ZNF385D: variants seen among roughly 807,000 people sequenced by gnomAD.
ZNF385D encodes the protein zinc finger protein 659.
ZNF385D carries 15 observed loss-of-function variants against 35.8 expected under a neutral mutation model. The ratio of observed to expected loss-of-function variants is 0.42; its 90% confidence interval spans 0.28 to 0.64. The LOEUF is 0.64. Among genes scored for constraint, ZNF385D ranks in the 30% least tolerant of loss-of-function variants. ZNF385D has a pLI of 0.23. For synonymous variants in ZNF385D, 212 were observed against 186.8 expected (o/e 1.13, Z -1.10); for missense variants, 474 against 494.6 (o/e 0.96, Z 0.39).
intron 3 of ZNF385D, among the ~76,000 whole-genome samples, chr3:21,767,677 G>A (rs973425243): frequency 2.6e-5 from 4 of 151,884 alleles, no homozygotes; most frequent in Non-Finnish European, 2.9e-5. Flanking sequence ...GAGAGTTAAG[G>A]TGGGGGGTGG....
chr3:21,959,616 G>C (rs1457333956), intron 3 of ZNF385D, among the ~76,000 whole-genome samples: 1 of 152,146 alleles, frequency 6.6e-6, no homozygotes, highest in African/African-American at 2.4e-5. Context: ...CACAATGCAA[G>C]GAGCCTAGTC....
intron 2 of ZNF385D, among the ~76,000 whole-genome samples, chr3:22,311,460 C>T (rs1465606224): frequency 6.6e-6 from 1 of 151,974 alleles, no homozygotes; most frequent in East Asian, 1.9e-4. Context: ...CAGCAAGTCT[C>T]ACTTTGTTTT....
intron 3 of ZNF385D, among the ~76,000 whole-genome samples, chr3:21,811,857 G>A (rs1274829172): frequency 6.6e-6 from 1 of 152,152 alleles, no homozygotes; most frequent in Non-Finnish European, 1.5e-5. Flanking sequence ...ATGGCTCATG[G>A]ATGGTGAATT....
chr3:21,657,011 C>T (rs926358041), intron 2 of ZNF385D, among the ~76,000 whole-genome samples: 9 of 151,748 alleles, frequency 5.9e-5, no homozygotes, highest in African/African-American at 2.2e-4. Context: ...TGCAAAGCCT[C>T]ATCTCATTAT....
intron 3 of ZNF385D, among the ~76,000 whole-genome samples, chr3:21,763,246 T>G (rs1378770596): frequency 2.0e-5 from 3 of 152,142 alleles, no homozygotes; most frequent in Non-Finnish European, 2.9e-5. Context: ...GTACTCTGTC[T>G]GAGTAACAGT....
intron 4 of ZNF385D, among the ~76,000 whole-genome samples, chr3:21,503,538 A>T (rs370022302): frequency 1.3e-5 from 2 of 152,136 alleles, no homozygotes; most frequent in African/African-American, 4.8e-5. Flanking sequence ...TTTGTTCACT[A>T]TTGTCATAAT....
intron 3 of ZNF385D, among the ~76,000 whole-genome samples, chr3:21,814,693 G>C (rs781012155): frequency 5.3e-5 from 8 of 152,172 alleles, no homozygotes; most frequent in Non-Finnish European, 1.0e-4. Flanking sequence ...CAAGTCCCTA[G>C]CGACCTCCAA....
intron 2 of ZNF385D, among the ~76,000 whole-genome samples, chr3:22,287,891 T>C (rs1702107577): frequency 6.6e-6 from 1 of 152,052 alleles, no homozygotes; most frequent in Non-Finnish European, 1.5e-5. Flanking sequence ...TTTGCATCCT[T>C]TTCATTCAGC....
intron 2 of ZNF385D, among the ~76,000 whole-genome samples, chr3:21,590,704 G>C (rs189042009): frequency 6.6e-6 from 1 of 151,920 alleles, no homozygotes. Context: ...GGAGATGAGC[G>C]GAGGATGTAG....
intron 3 of ZNF385D, among the ~76,000 whole-genome samples, chr3:21,516,606 C>A (rs969588242): frequency 2.8e-4 from 43 of 152,156 alleles, no homozygotes; most frequent in Non-Finnish European, 5.4e-4. Flanking sequence ...CATAACTGGG[C>A]CTTTCTTTAT....
chr3:22,110,136 C>G (rs1273698445), intron 3 of ZNF385D, among the ~76,000 whole-genome samples: 1 of 152,014 alleles, frequency 6.6e-6, no homozygotes, highest in Non-Finnish European at 1.5e-5. Flanking sequence ...AGTCAGGAAA[C>G]AACAGGTGCT....
At chr3:22,103,841 G>A (rs531779322) in intron 3 of ZNF385D, among the ~76,000 whole-genome samples, 14 of 151,822 alleles carry the variant, frequency 9.2e-5, no homozygotes, top group African/African-American at 2.2e-4. Flanking sequence ...GACTTTACAC[G>A]GAAAGGGAAA....
intron 3 of ZNF385D, among the ~76,000 whole-genome samples, chr3:21,977,438 C>G (rs1237060556): frequency 6.6e-6 from 1 of 151,994 alleles, no homozygotes; most frequent in Non-Finnish European, 1.5e-5. Context: ...TTTCAAGGAA[C>G]ACAAAGAATT....
intron 3 of ZNF385D, among the ~76,000 whole-genome samples, chr3:21,549,108 C>T (rs755829437): frequency 2.6e-5 from 4 of 152,118 alleles, no homozygotes; most frequent in African/African-American, 9.7e-5. Context: ...GTCAGATTTT[C>T]CATGTCTAAG....
intron 5 of ZNF385D, among the ~76,000 whole-genome samples, chr3:21,428,561 C>T (rs772546098): frequency 2.0e-5 from 3 of 152,056 alleles, no homozygotes; most frequent in Non-Finnish European, 4.4e-5. Context: ...CTTCCATCCC[C>T]GCACCCCCAC....
intron 2 of ZNF385D, among the ~76,000 whole-genome samples, chr3:22,246,473 C>A (rs1019322281): frequency 6.6e-6 from 1 of 152,070 alleles, no homozygotes; most frequent in East Asian, 1.9e-4. Context: ...CAAAGAAAAA[C>A]CAATCTATAA....
intron 3 of ZNF385D, among the ~76,000 whole-genome samples, chr3:21,937,793 G>A (rs534251885): frequency 3.9e-5 from 6 of 152,148 alleles, no homozygotes; most frequent in East Asian, 1.9e-4. Flanking sequence ...ATTCTCTAAG[G>A]TCTTATCAAC....
chr3:21,839,301 G>A (rs1044727268), intron 3 of ZNF385D, among the ~76,000 whole-genome samples: 1 of 151,968 alleles, frequency 6.6e-6, no homozygotes, highest in African/African-American at 2.4e-5. Context: ...GAAATTCTCA[G>A]GAGTAGCTAG....
At chr3:21,865,719 A>C (rs1178515186) in intron 3 of ZNF385D, among the ~76,000 whole-genome samples, 6 of 152,170 alleles carry the variant, frequency 3.9e-5, no homozygotes. Context: ...TCATTTACAC[A>C]AACAGAATTT....
Sources: gnomAD v4.1 joint callset for allele counts (sites outside exome capture counted in the v4.1 genomes callset) on GRCh38, gnomAD v4.1.1 for gene constraint, MANE v1.5 for transcripts, NCBI Gene and HGNC (gene_info 2026-07-23, HGNC 2026-07-21) for gene names.